CACNA1B: variants seen among roughly 807,000 people sequenced by gnomAD.
The protein encoded by CACNA1B is voltage-dependent N-type calcium channel subunit alpha-1B.
A neutral mutation model predicts 247.2 loss-of-function variants in CACNA1B; 70 were observed. The ratio of observed to expected loss-of-function variants is 0.28; its 90% CI spans 0.23 to 0.35. The LOEUF (loss-of-function observed/expected upper bound fraction) is 0.35. CACNA1B is among the 10% of genes least tolerant of loss of function. CACNA1B has a pLI of 1.00. For synonymous variants in CACNA1B, 1,231 were observed against 1,294.4 expected (o/e 0.95, Z 1.05); for missense variants, 2,367 against 3,197.4 (o/e 0.74, Z 6.26).
At chr9:137,946,845 T>C (rs2133327599) in intron 6 of CACNA1B, among the ~76,000 whole-genome samples, 1 of 152,256 alleles carries the variant, frequency 6.6e-6, no homozygotes, top group South Asian at 2.1e-4. Flanking sequence ...CTCCCAAACT[T>C]TGGGCTTGCC....
At chr9:138,107,685 G>A (rs78495846) in intron 39 of CACNA1B, among the ~76,000 whole-genome samples, 5,359 of 151,854 alleles carry the variant, frequency 0.035, 129 homozygotes, top group Non-Finnish European at 0.058. Flanking sequence ...GAGTGATCAG[G>A]TTAAAAAAAA....
chr9:137,963,177 G>T (rs560031075), intron 10 of CACNA1B, among the ~76,000 whole-genome samples: 2 of 152,220 alleles, frequency 1.3e-5, no homozygotes, highest in East Asian at 3.9e-4. Flanking sequence ...TTTAACGTCT[G>T]TTTTGTCAGA....
chr9:137,985,974 G>A (rs1958356111), intron 13 of CACNA1B, among the ~76,000 whole-genome samples: 1 of 152,232 alleles, frequency 6.6e-6, no homozygotes, highest in Non-Finnish European at 1.5e-5. Context: ...TCTGCTGTAG[G>A]TTCCGGTGTA....
At chr9:138,017,537 G>C (rs1405165449) in intron 18 of CACNA1B, among the ~76,000 whole-genome samples, 2 of 152,232 alleles carry the variant, frequency 1.3e-5, no homozygotes, top group Non-Finnish European at 2.9e-5. Flanking sequence ...AGGTCTCCTT[G>C]TGGTTCCCAT....
intron 36 of CACNA1B, among the ~76,000 whole-genome samples, chr9:138,091,198 T>C (rs755781379): frequency 1.3e-5 from 2 of 152,212 alleles, no homozygotes; most frequent in Non-Finnish European, 2.9e-5. Flanking sequence ...TGGAATACTA[T>C]TTAGCCATAA....
intron 31 of CACNA1B, among the ~76,000 whole-genome samples, chr9:138,067,926 C>T (rs139144211): frequency 1.6e-3 from 243 of 152,306 alleles, no homozygotes; most frequent in African/African-American, 5.5e-3. Context: ...CATCTGAGTG[C>T]CCATCGGTAA....
At chr9:137,879,810 C>A (rs1956891692) in intron 2 of CACNA1B, among the ~76,000 whole-genome samples, 1 of 152,174 alleles carries the variant, frequency 6.6e-6, no homozygotes, top group Non-Finnish European at 1.5e-5. Flanking sequence ...GAAGGCCAGC[C>A]CTGTGGGGTC....
At position 138,059,060 on chromosome 9, in the gene CACNA1B, G is replaced by GTGCCTA; in HGVS notation, c.4474-17_4474-12dup. ...GGGGCTGCCAAACCCATGGCCAACAGTGCCTATTCCCCGGGCAGTTCTATG... is the reference window on the plus strand; with the variant it reads ...GGGGCTGCCAAACCCATGGCCAACAGTGCCTATGCCTATTCCCCGGGCAGTTCTATG... On this transcript the variant is annotated intron_variant, in intron 29 of 46. Transcript: ENST00000371372. The surrounding 1 kb of genome is among the most constrained non-coding windows in gnomAD (Gnocchi z 4.2). The GTGCCTA allele has an allele frequency of 6.7e-7, 1 of 1,498,522 alleles. No individual in the cohort carries two copies. The highest frequency in any genetic ancestry group is 1.1e-5 in the South Asian group (1 of 87,736). The allele number at this position is 1,498,522 out of a possible 1,614,324, so 92.8% of individuals were successfully genotyped here.
chr9:138,020,448 G>A lies in CACNA1B; in HGVS notation c.2268-2563G>A, dbSNP rs1439458097. 6.6e-6 allele frequency among the ~76,000 whole-genome samples: 1 copy of A among 152,238 alleles called. No individual in the cohort carries two copies. The highest frequency in any genetic ancestry group is 1.5e-5 in the Non-Finnish European group (1 of 68,040). On this transcript the variant is annotated intron_variant, in intron 18 of 46. Coordinates refer to ENST00000371372, the MANE Select transcript of CACNA1B (RefSeq NM_000718.4). This position sits in a 1 kb window ranked among gnomAD's most constrained non-coding sequence, Gnocchi z 4.1. ...TTGGTGTGGATATGTGCCAGATAGA[G>A]CAAGGACAGAGACAGGGGCCAGGGG... is the stretch of plus-strand genomic sequence containing the variant.
At chr9:138,063,356 T>A (rs949984808) in intron 31 of CACNA1B, among the ~76,000 whole-genome samples, 2 of 152,098 alleles carry the variant, frequency 1.3e-5, no homozygotes, top group African/African-American at 4.8e-5. Context: ...TAGCCAGGCA[T>A]AGTGGCACAC....
At chr9:137,941,285 G>A (rs947255589) in intron 6 of CACNA1B, among the ~76,000 whole-genome samples, 1 of 152,124 alleles carries the variant, frequency 6.6e-6, no homozygotes, top group Non-Finnish European at 1.5e-5. Flanking sequence ...TGACCAAGCT[G>A]AGAATGAAAT....
Position 138,120,394 on chromosome 9 carries a change from G to A in CACNA1B, c.6238+22G>A, listed in dbSNP as rs1049902164. Reference sequence around the variant, plus strand: ...GGCGGTGCGTGCGGAGGGGCCCGGGGAGTCCTTCGGGGAGCTATGGCCCGA... The same window carrying A: ...GGCGGTGCGTGCGGAGGGGCCCGGGAAGTCCTTCGGGGAGCTATGGCCCGA... On this transcript the variant is annotated intron_variant, in intron 45 of 46. Transcript: ENST00000371372. 1.4e-5 allele frequency: 21 copies of A among 1,529,698 alleles called. No homozygotes were observed. In the Admixed American group the frequency reaches 2.0e-4, roughly 14 times the overall value. The allele number at this position is 1,529,698 out of a possible 1,614,324, so 94.8% of individuals were successfully genotyped here. A position where few individuals can be genotyped will look rare whatever the true frequency, so the allele number is the denominator to read the frequency against.
rs1959224637 is a variant in CACNA1B, at chr9:138,050,023, C to T, written c.3710+708C>T. 2.3e-6 allele frequency: 3 copies of T among 1,279,126 alleles called. No homozygotes were observed. The highest frequency in any genetic ancestry group is 3.1e-6 in the Non-Finnish European group (3 of 979,172). 79.2% of individuals were successfully genotyped at this position (1,279,126 alleles called of 1,614,324 possible). On this transcript the variant is annotated intron_variant, in intron 24 of 46. Transcript: ENST00000371372. This position sits in a 1 kb window ranked among gnomAD's most constrained non-coding sequence, Gnocchi z 5.2. ...TCTCTGAGCGGCTGGGAGGGCTGCT[C>T]CTGGTGCCACTGACTCTGTTCTCTT...
chr9:137,978,345 A>G (rs1179399726), intron 12 of CACNA1B, among the ~76,000 whole-genome samples: 1 of 127,040 alleles, frequency 7.9e-6, no homozygotes, highest in African/African-American at 3.1e-5. Context: ...GGAGGGAGTG[A>G]AGGGTGGGAG....
chr9:138,021,754 A>C (rs1958847849), intron 18 of CACNA1B, among the ~76,000 whole-genome samples: 1 of 152,262 alleles, frequency 6.6e-6, no homozygotes, highest in Admixed American at 6.5e-5. Flanking sequence ...TGGGGACAAG[A>C]GTAGCACCTG....
intron 37 of CACNA1B, among the ~76,000 whole-genome samples, chr9:138,101,478 G>A (rs756956597): frequency 6.6e-6 from 1 of 152,244 alleles, no homozygotes; most frequent in Non-Finnish European, 1.5e-5. Flanking sequence ...CTGCATCAAG[G>A]AAGCAGCCGA....
At chr9:137,958,145 G>A (rs1957971518) in intron 10 of CACNA1B, among the ~76,000 whole-genome samples, 1 of 152,104 alleles carries the variant, frequency 6.6e-6, no homozygotes, top group Admixed American at 6.5e-5. Flanking sequence ...ACAGCAGTCT[G>A]TGAGTGGACC....
chr9:137,882,712 C>G lies in CACNA1B; in HGVS notation c.391-32C>G. 6.2e-7 allele frequency: 1 copy of G among 1,613,564 alleles called. No individual in the cohort carries two copies. Among genetic ancestry groups the G allele is most frequent in the Non-Finnish European group, 8.5e-7 (1 of 1,179,590 alleles). ...GCCCGCTACTACACCGGGTAGGGGC[C>G]AGGGGTGACCACTGTTCTGCGCTTC... On this transcript the variant is annotated intron_variant, in intron 2 of 46. Coordinates refer to ENST00000371372, the MANE Select transcript of CACNA1B (RefSeq NM_000718.4). This position sits in a 1 kb window ranked among gnomAD's most constrained non-coding sequence, Gnocchi z 4.0.
rs1959404406 is a variant in CACNA1B at position 138,054,103 on chromosome 9, T to C, written c.3968+97T>C. 1 of 1,177,910 alleles carries C rather than the reference T, an allele frequency of 8.5e-7. No homozygotes were observed. The highest frequency in any genetic ancestry group is 1.3e-6 in the Non-Finnish European group (1 of 798,712). 73.0% of individuals were successfully genotyped at this position (1,177,910 alleles called of 1,614,324 possible). ...ACCAGGTGGAGCTGGTCACACGGCG[T>C]GGGAGACTCCACTGCAGAGCATCAC... On this transcript the variant is annotated intron_variant, in intron 26 of 46. Coordinates refer to ENST00000371372, the MANE Select transcript of CACNA1B (RefSeq NM_000718.4). The surrounding 1 kb of genome is among the most constrained non-coding windows in gnomAD (Gnocchi z 4.6).
Sources: gnomAD v4.1 joint callset for allele counts (sites outside exome capture counted in the v4.1 genomes callset) on GRCh38, gnomAD v4.1.1 for gene constraint, Gnocchi (gnomAD v3.1) non-coding constraint, MANE v1.5 for transcripts, NCBI Gene and HGNC (gene_info 2026-07-23, HGNC 2026-07-21) for gene names.